The following DOCK1 variants were observed in gnomAD, a reference collection of about 807,000 sequenced individuals.
DOCK1 encodes the protein dedicator of cytokinesis 1.
A neutral mutation model predicts 262.7 loss-of-function variants in DOCK1; 138 were observed. That is an observed-to-expected ratio of 0.53 (90% confidence interval 0.46 to 0.61). The LOEUF (loss-of-function observed/expected upper bound fraction) is 0.61, where lower values mean the gene tolerates loss of function less well. Among genes scored for constraint, DOCK1 ranks in the 20% least tolerant of loss-of-function variants. The probability of loss-of-function intolerance (pLI) is 0.00; values close to 1 mark genes in which losing one functional copy is unlikely to be tolerated. For missense variants in DOCK1, 1,908 were observed against 2,370.7 expected, an observed-to-expected ratio of 0.80 and a Z score of 4.05; for synonymous variants, 866 against 867.4, an observed-to-expected ratio of 1.00 and a Z score of 0.03.
chr10:127,236,965 T>G (rs898416831), intron 27 of DOCK1, among the ~76,000 whole-genome samples: 1 of 152,200 alleles, frequency 6.6e-6, no homozygotes, highest in Admixed American at 6.5e-5. Flanking sequence ...AAACGTACCC[T>G]TGGTCAAGTG....
intron 21 of DOCK1, among the ~76,000 whole-genome samples, chr10:127,051,550 CACATA>C (rs1282342714): frequency 6.6e-6 from 1 of 152,114 alleles, no homozygotes; most frequent in Non-Finnish European, 1.5e-5. Context: ...TTGTAAAATA[CACATA>C]ACATAAAATT....
At chr10:127,113,959 C>G (rs767250456) in intron 25 of DOCK1, among the ~76,000 whole-genome samples, 1 of 152,198 alleles carries the variant, frequency 6.6e-6, no homozygotes, top group Non-Finnish European at 1.5e-5. Flanking sequence ...AAATAATGTT[C>G]AGCCAGCTCT....
chr10:127,294,441 C>T (rs2061439454), intron 29 of DOCK1, among the ~76,000 whole-genome samples: 1 of 152,048 alleles, frequency 6.6e-6, no homozygotes, highest in Admixed American at 6.6e-5. Flanking sequence ...TCTGCCTCAG[C>T]CTCCCCACTA....
chr10:127,275,418 G>A (rs950904227), intron 29 of DOCK1, among the ~76,000 whole-genome samples: 2 of 152,186 alleles, frequency 1.3e-5, no homozygotes, highest in African/African-American at 4.8e-5. Context: ...CCAGCCTGCT[G>A]TGCGGCATGG....
chr10:127,302,753 T>TGTGG (rs1281680754), intron 29 of DOCK1, among the ~76,000 whole-genome samples: 113 of 148,208 alleles, frequency 7.6e-4, no homozygotes, highest in Non-Finnish European at 9.3e-4. Flanking sequence ...TGTGTGTGTG[T>TGTGG]GTGTGTGTGT....
chr10:127,436,974 G>C (rs1161395612), intron 48 of DOCK1, among the ~76,000 whole-genome samples: 1 of 152,002 alleles, frequency 6.6e-6, no homozygotes, highest in Non-Finnish European at 1.5e-5. Flanking sequence ...GGAAATCCTA[G>C]GTTGTGTATC....
chr10:127,070,476 A>G (rs943200135), intron 23 of DOCK1, among the ~76,000 whole-genome samples: 1 of 150,818 alleles, frequency 6.6e-6, no homozygotes, highest in Non-Finnish European at 1.5e-5. Context: ...CCGGTCTCGA[A>G]CTCCTGACCT....
intron 1 of DOCK1, among the ~76,000 whole-genome samples, chr10:126,922,139 C>G (rs1283653148): frequency 2.7e-5 from 4 of 148,834 alleles, no homozygotes; most frequent in Non-Finnish European, 5.9e-5. Context: ...GTCCCTGGAG[C>G]CCAGGAAGTG....
At chr10:127,115,232 T>G (rs1295890218) in intron 25 of DOCK1, among the ~76,000 whole-genome samples, 2 of 152,198 alleles carry the variant, frequency 1.3e-5, no homozygotes, top group Non-Finnish European at 2.9e-5. Context: ...GGCATCCACC[T>G]TGGATGTTCC....
chr10:127,261,226 G>GGT lies in DOCK1; in HGVS notation c.3044+3801_3044+3802dup, dbSNP rs747284801. Among the ~76,000 whole-genome samples, 10 of 96,556 alleles carry GGT rather than the reference G, an allele frequency of 1.0e-4. No homozygotes were observed. The South Asian group carries it at 1.1e-3, about 11-fold the overall frequency. 63.3% of individuals were successfully genotyped at this position (96,556 alleles called of 152,430 possible). A position where few individuals can be genotyped will look rare whatever the true frequency, so the allele number is the denominator to read the frequency against. On this transcript the variant is annotated intron_variant, in intron 29 of 51. Coordinates refer to ENST00000623213, the MANE Select transcript of DOCK1 (RefSeq NM_001290223.2). ...GTGTACCTGCATGTGTGTGCATGTG[G>GGT]GTGTGCGTGTGTGTACCTGCATGTG... is the stretch of plus-strand genomic sequence containing the variant.
At chr10:127,220,344 G>A (rs568681517) in intron 27 of DOCK1, among the ~76,000 whole-genome samples, 4 of 152,160 alleles carry the variant, frequency 2.6e-5, no homozygotes, top group African/African-American at 9.6e-5. Context: ...AGAGAACCAG[G>A]AGGCCCAGGG....
intron 29 of DOCK1, among the ~76,000 whole-genome samples, chr10:127,272,771 G>C (rs2060614656): frequency 6.6e-6 from 1 of 152,222 alleles, no homozygotes; most frequent in South Asian, 2.1e-4. Context: ...TGTGGCTTGG[G>C]AGGCCTCACC....
At chr10:127,438,570 C>T (rs1565092800) in intron 48 of DOCK1, among the ~76,000 whole-genome samples, 1 of 152,154 alleles carries the variant, frequency 6.6e-6, no homozygotes, top group Non-Finnish European at 1.5e-5. Context: ...AGTGCTTTCA[C>T]CTGAAAACAA....
chr10:127,202,843 G>A (rs1178971038), intron 27 of DOCK1, among the ~76,000 whole-genome samples: 1 of 152,168 alleles, frequency 6.6e-6, no homozygotes, highest in Non-Finnish European at 1.5e-5. Context: ...GGAAGGGGTG[G>A]AGCCTGGATT....
At chr10:127,277,965 A>C (rs1473021536) in intron 29 of DOCK1, among the ~76,000 whole-genome samples, 1 of 152,162 alleles carries the variant, frequency 6.6e-6, no homozygotes, top group Non-Finnish European at 1.5e-5. Context: ...TATTTCATTA[A>C]AACAGTTATA....
intron 29 of DOCK1, among the ~76,000 whole-genome samples, chr10:127,337,409 C>A (rs1282713616): frequency 1.3e-5 from 2 of 152,212 alleles, no homozygotes; most frequent in Non-Finnish European, 2.9e-5. Context: ...AAAGCATGTC[C>A]TGAATTTTGC....
intron 6 of DOCK1, among the ~76,000 whole-genome samples, chr10:126,996,534 GA>G (rs2040205216): frequency 8.8e-6 from 1 of 113,706 alleles, no homozygotes; most frequent in African/African-American, 3.9e-5. Context: ...AAAAATTGAG[GA>G]TTTTTTTTTT....
At chr10:127,312,903 G>C (rs574202586) in intron 29 of DOCK1, among the ~76,000 whole-genome samples, 1 of 151,838 alleles carries the variant, frequency 6.6e-6, no homozygotes, top group South Asian at 2.1e-4. Flanking sequence ...TTTCCACACT[G>C]AGACCACTTC....
rs781500290 is a variant in DOCK1 at position 126,987,539 on chromosome 10, C to T, written c.246C>T (p.Ile82=). The T allele has an allele frequency of 1.9e-6, 3 of 1,579,404 alleles. No individual in the cohort carries two copies. Among genetic ancestry groups the T allele is most frequent in the African/African-American group, 1.3e-5 (1 of 74,124 alleles). The part of the protein sequence containing the change: ...VEGKGQHETV[I]PGDLPLIQEV... ...CTCCCAGGCAACATGAAACAGTCATCCCGGGTGACCTCCCCCTCATCCAGG... is the reference window on the plus strand; with the variant it reads ...CTCCCAGGCAACATGAAACAGTCATTCCGGGTGACCTCCCCCTCATCCAGG... Residue 82 remains isoleucine, a synonymous_variant, in exon 5 of 52, where the codon ATC becomes ATT. Coordinates refer to ENST00000623213, the MANE Select transcript of DOCK1 (RefSeq NM_001290223.2).
Sources: gnomAD v4.1 joint callset for allele counts (sites outside exome capture counted in the v4.1 genomes callset) on GRCh38, gnomAD v4.1.1 for gene constraint, MANE v1.5 for transcripts, NCBI Gene and HGNC (gene_info 2026-07-23, HGNC 2026-07-21) for gene names.